Variants in MCUB observed in about 807,000 individuals in gnomAD.
MCUB encodes the protein calcium uniporter regulatory subunit MCUb, mitochondrial.
A neutral mutation model predicts 41.4 loss-of-function variants in MCUB; 46 were observed. That is an observed-to-expected ratio of 1.11 (90% CI 0.88 to 1.42). MCUB has a LOEUF of 1.42. MCUB is among the 40% of genes most tolerant of loss of function. MCUB has a pLI of 0.00. For missense variants in MCUB, 403 were observed against 404.9 expected, an observed-to-expected ratio of 1.00 and a Z score of 0.04; for synonymous variants, 148 against 148.2, an observed-to-expected ratio of 1.00 and a Z score of 0.01.
chr4:109,588,251 T>C (rs1579052457), intron 1 of MCUB, among the ~76,000 whole-genome samples: 2 of 152,318 alleles, frequency 1.3e-5, no homozygotes, highest in Middle Eastern at 6.8e-3. Flanking sequence ...TTTAAAAATA[T>C]TCATGCTAAA....
At chr4:109,593,481 T>C (rs1727486395) in intron 1 of MCUB, among the ~76,000 whole-genome samples, 2 of 152,222 alleles carry the variant, frequency 1.3e-5, no homozygotes, top group African/African-American at 4.8e-5. Flanking sequence ...GACTGGATGA[T>C]TATCTGAGAT....
At chr4:109,654,054 A>G (rs982673041) in intron 1 of MCUB, among the ~76,000 whole-genome samples, 1 of 152,242 alleles carries the variant, frequency 6.6e-6, no homozygotes, top group African/African-American at 2.4e-5. Flanking sequence ...AATTTATGTT[A>G]ACATCAGTTT....
chr4:109,672,597 TCTTA>T (rs1183548971), intron 4 of MCUB, among the ~76,000 whole-genome samples: 2 of 152,206 alleles, frequency 1.3e-5, no homozygotes, highest in African/African-American at 2.4e-5. Flanking sequence ...AATAGAAGGC[TCTTA>T]CTTACAGTGA....
chr4:109,599,889 C>G (rs1009909563), intron 1 of MCUB, among the ~76,000 whole-genome samples: 2 of 152,106 alleles, frequency 1.3e-5, no homozygotes, highest in African/African-American at 4.8e-5. Flanking sequence ...AGGCTGGTCT[C>G]AGACTCCTGA....
At chr4:109,601,120 T>C (rs1161736101) in intron 1 of MCUB, among the ~76,000 whole-genome samples, 1 of 152,148 alleles carries the variant, frequency 6.6e-6, no homozygotes, top group Non-Finnish European at 1.5e-5. Context: ...AAAAAAAGTA[T>C]TCTCTCAATT....
intron 1 of MCUB, among the ~76,000 whole-genome samples, chr4:109,616,525 G>C (rs1450486751): frequency 6.6e-6 from 1 of 152,184 alleles, no homozygotes; most frequent in African/African-American, 2.4e-5. Context: ...CTTTCATGCA[G>C]CCCAGCTCTA....
chr4:109,638,411 T>TAAAAAAA (rs60114567), intron 1 of MCUB, among the ~76,000 whole-genome samples: 1 of 138,338 alleles, frequency 7.2e-6, no homozygotes. Flanking sequence ...GCATTATATC[T>TAAAAAAA]AAAAAAAAAA....
chr4:109,684,898 T>C, intron 6 of MCUB: 1 of 408,158 alleles, frequency 2.5e-6, no homozygotes, highest in Non-Finnish European at 4.3e-6. Flanking sequence ...GTGTTCTCTG[T>C]GCCCTCATTT....
In MCUB at chr4:109,659,002, T is replaced by G; in HGVS notation, c.100-9T>G. The G allele has an allele frequency of 6.7e-7, 1 of 1,490,356 alleles. No homozygotes were observed. Among genetic ancestry groups the G allele is most frequent in the Non-Finnish European group, 9.2e-7 (1 of 1,091,462 alleles). The allele number at this position is 1,490,356 out of a possible 1,614,324, so 92.3% of individuals were successfully genotyped here. Reference sequence around the variant, plus strand: ...TTTAAAAAAACAAATTAATTTTTCCTTCTTGTAGGTTTTGCGTGTGAAGCT... The same window carrying G: ...TTTAAAAAAACAAATTAATTTTTCCGTCTTGTAGGTTTTGCGTGTGAAGCT... On this transcript the variant is annotated splice_polypyrimidine_tract_variant and intron_variant, in intron 1 of 7. Transcript: ENST00000394650.
chr4:109,630,336 C>G (rs1728447557), intron 1 of MCUB, among the ~76,000 whole-genome samples: 1 of 152,036 alleles, frequency 6.6e-6, no homozygotes, highest in Non-Finnish European at 1.5e-5. Context: ...GTGGTGCAAG[C>G]CTGTAGTCGC....
At chr4:109,674,295 C>T (rs1438006411) in intron 4 of MCUB, among the ~76,000 whole-genome samples, 1 of 152,304 alleles carries the variant, frequency 6.6e-6, no homozygotes, top group East Asian at 1.9e-4. Flanking sequence ...GACTGAATTA[C>T]TAGTGACTAG....
intron 4 of MCUB, among the ~76,000 whole-genome samples, chr4:109,677,001 A>T (rs1043395085): frequency 4.6e-5 from 7 of 152,190 alleles, no homozygotes; most frequent in Admixed American, 1.3e-4. Flanking sequence ...CAGGCATGAA[A>T]CCTCAACCCA....
At chr4:109,638,614 T>G (rs1371493340) in intron 1 of MCUB, among the ~76,000 whole-genome samples, 2 of 152,226 alleles carry the variant, frequency 1.3e-5, no homozygotes, top group East Asian at 3.9e-4. Flanking sequence ...AACCATGAAG[T>G]TTGCTGCATC....
chr4:109,606,184 C>G (rs1318757578), intron 1 of MCUB, among the ~76,000 whole-genome samples: 1 of 152,108 alleles, frequency 6.6e-6, no homozygotes, highest in African/African-American at 2.4e-5. Context: ...CCATGTTAGC[C>G]AGAATGGTCT....
At chr4:109,570,363 G>A (rs1160015693) in intron 1 of MCUB, among the ~76,000 whole-genome samples, 6 of 152,196 alleles carry the variant, frequency 3.9e-5, no homozygotes, top group Non-Finnish European at 7.3e-5. Context: ...ACTTGTCCTA[G>A]TGTTAAATGA....
intron 1 of MCUB, among the ~76,000 whole-genome samples, chr4:109,651,631 T>G (rs1489336695): frequency 6.6e-6 from 1 of 152,202 alleles, no homozygotes; most frequent in Non-Finnish European, 1.5e-5. Flanking sequence ...TTAATTTCAT[T>G]TAATTATATT....
In MCUB at chr4:109,587,500, G is replaced by T. The variant is rs543439689; in HGVS notation, c.99+27064G>T. Among the ~76,000 whole-genome samples the T allele has an allele frequency of 3.9e-5, 6 of 152,222 alleles. No individual in the cohort carries two copies. The East Asian group carries it at 1.2e-3, about 29-fold the overall frequency. On this transcript the variant is annotated intron_variant, in intron 1 of 7. Coordinates refer to ENST00000394650, the MANE Select transcript of MCUB (RefSeq NM_017918.5). Reference sequence around the variant, plus strand: ...AACCAGTCCCAATGAGATGAGCCAGGTACCTCAGTTGGAAATGCAGAAATC... The same window carrying T: ...AACCAGTCCCAATGAGATGAGCCAGTTACCTCAGTTGGAAATGCAGAAATC...
chr4:109,588,121 A>G (rs1727351436), intron 1 of MCUB, among the ~76,000 whole-genome samples: 1 of 152,232 alleles, frequency 6.6e-6, no homozygotes, highest in African/African-American at 2.4e-5. Flanking sequence ...CAACTGTAGA[A>G]GCCACATTAA....
chr4:109,651,276 C>A (rs1352828520), intron 1 of MCUB, among the ~76,000 whole-genome samples: 1 of 152,184 alleles, frequency 6.6e-6, no homozygotes, highest in African/African-American at 2.4e-5. Flanking sequence ...ACCCTTTGAC[C>A]TGCCTTCTGG....
Sources: gnomAD v4.1 joint callset for allele counts (sites outside exome capture counted in the v4.1 genomes callset) on GRCh38, gnomAD v4.1.1 for gene constraint, MANE v1.5 for transcripts, NCBI Gene and HGNC (gene_info 2026-07-23, HGNC 2026-07-21) for gene names.